The following KCTD15 variants were observed in gnomAD, a reference collection of about 807,000 sequenced individuals.
KCTD15 encodes the protein potassium channel tetramerization domain containing 15.
In KCTD15, 11 loss-of-function variants were observed where a neutral mutation model predicts 27.2. The ratio of observed to expected loss-of-function variants is 0.41; its 90% confidence interval spans 0.25 to 0.67. The LOEUF (loss-of-function observed/expected upper bound fraction) is 0.67, where lower values mean the gene tolerates loss of function less well. Among genes scored for constraint, KCTD15 ranks in the 30% least tolerant of loss-of-function variants. The probability of loss-of-function intolerance (pLI) is 0.35; values close to 1 mark genes in which losing one functional copy is unlikely to be tolerated. For missense variants in KCTD15, 350 were observed against 409.3 expected (o/e 0.86, Z 1.25); for synonymous variants, 163 against 176.0 (o/e 0.93, Z 0.58).
chr19:33,804,563 A>G (rs114588279), intron 4 of KCTD15, among the ~76,000 whole-genome samples: 2,230 of 152,262 alleles, frequency 0.015, 46 homozygotes, highest in African/African-American at 0.051. Flanking sequence ...CTTACTTCCC[A>G]CCGGTGCCAC....
chr19:33,811,842 G>A (rs765194695), intron 6 of KCTD15: 1 of 1,604,422 alleles, frequency 6.2e-7, no homozygotes, highest in South Asian at 1.1e-5. Context: ...TGCTTCATTT[G>A]ACACCCAGAG....
At position 33,800,500 on chromosome 19, in the gene KCTD15, C is replaced by A; in HGVS notation, c.46C>A (p.His16Asn). ...GCCGAGCGGGTCCTCGCTTCACACA[C>A]ACGGCAGCACCGGCACCGCGGTGAG... The part of the protein sequence containing the change: ...ERPSGSSLHT[H>N]GSTGTAEGGN... Residue 16 changes from histidine to asparagine, a missense_variant, in exon 3 of 7, where the codon CAC becomes AAC. By Grantham distance (68) the His-to-Asn change is moderately conservative. Transcript: ENST00000683859. 6.2e-7 allele frequency: 1 copy of A among 1,602,524 alleles called. No individual in the cohort carries two copies. The highest frequency in any genetic ancestry group is 8.5e-7 in the Non-Finnish European group (1 of 1,175,918).
chr19:33,796,007 A>T (rs1195644082), upstream of KCTD15: 2 of 151,876 alleles, frequency 1.3e-5, no homozygotes, highest in Admixed American at 6.5e-5. Context: ...TCCAGCCCCG[A>T]CCGACTGGCA....
In KCTD15 at chr19:33,811,449, C is replaced by T. The variant is rs144406308; in HGVS notation, c.590C>T (p.Thr197Ile). 2.3e-4 allele frequency: 365 copies of T among 1,612,936 alleles called. No individual in the cohort carries two copies. The East Asian group carries it at 6.3e-3, about 28-fold the overall frequency. The change falls in exon 6 of 7, where the codon ACC becomes ATC. Residue 197 changes from threonine (T) to isoleucine (I), a missense_variant. Thr to Ile is a moderately conservative substitution (Grantham distance 89). Around this residue, in one of 3 missense-constraint regions of KCTD15, gnomAD observed 219 missense variants for 234.9 expected, o/e 0.93. Transcript: ENST00000683859. ...KALIEEVFPE[T>I]GDVMCNSVNA... ...CTCATCGAGGAGGTCTTCCCCGAGA[C>T]CGGAGACGTCATGTGCAACTCCGTC...
chr19:33,795,418 G>A (rs1334084449), upstream of KCTD15, among the ~76,000 whole-genome samples: 1 of 151,926 alleles, frequency 6.6e-6, no homozygotes, highest in Non-Finnish European at 1.5e-5. Flanking sequence ...CCTCACCCCA[G>A]CTCCAGGCCG....
At chr19:33,795,542 T>A (rs892205198), upstream of KCTD15, among the ~76,000 whole-genome samples, 1 of 151,598 alleles carries the variant, frequency 6.6e-6, no homozygotes, top group South Asian at 2.1e-4. Flanking sequence ...CGCCCCGCGG[T>A]CCCAGCCGGT....
In KCTD15 at chr19:33,814,449, C is replaced by A. The variant is rs544252869; in HGVS notation, c.*1501C>A. On this transcript the variant is annotated 3_prime_UTR_variant, in exon 7 of 7. Transcript: ENST00000683859. ...CATTTGGGTGCCTGTCCCCTCAGGG[C>A]AGCACAGATTCTGAATTCTGATTCA... is the stretch of plus-strand genomic sequence containing the variant. The A allele has an allele frequency of 6.6e-6, 1 of 152,328 alleles. No homozygotes were observed. The highest frequency in any genetic ancestry group is 6.5e-5 in the Admixed American group (1 of 15,298). 9.4% of individuals were successfully genotyped at this position (152,328 alleles called of 1,614,324 possible).
intron 4 of KCTD15, among the ~76,000 whole-genome samples, chr19:33,806,471 A>G (rs1391271585): frequency 6.7e-6 from 1 of 149,092 alleles, no homozygotes; most frequent in Non-Finnish European, 1.5e-5. Context: ...GTTCATGTGC[A>G]TTTTCTGGGT....
intron 5 of KCTD15, among the ~76,000 whole-genome samples, chr19:33,810,223 G>C (rs1248198743): frequency 6.6e-6 from 1 of 152,198 alleles, no homozygotes; most frequent in African/African-American, 2.4e-5. Flanking sequence ...GGGACAGTCT[G>C]TGCGAGGCTG....
At chr19:33,794,274 GAATA>G (rs1193443348), upstream of KCTD15, among the ~76,000 whole-genome samples, 1 of 152,110 alleles carries the variant, frequency 6.6e-6, no homozygotes, top group Non-Finnish European at 1.5e-5. Flanking sequence ...TTGGAGTTGT[GAATA>G]AATAAAAATC....
intron 5 of KCTD15, among the ~76,000 whole-genome samples, chr19:33,807,878 G>A (rs112642474): frequency 0.053 from 8,075 of 151,960 alleles, 309 homozygotes; most frequent in Non-Finnish European, 0.079. Flanking sequence ...AGGTGGAGGC[G>A]GAGGTTGCAG....
intron 5 of KCTD15, among the ~76,000 whole-genome samples, chr19:33,807,224 A>G (rs542080853): frequency 6.6e-5 from 10 of 152,388 alleles, no homozygotes; most frequent in Admixed American, 5.9e-4. Flanking sequence ...TGCAGAACGT[A>G]TCCCAGCTGA....
At chr19:33,801,530 C>T in intron 4 of KCTD15, 188 bp downstream of exon 4, 1 of 509,334 alleles carries the variant, frequency 2.0e-6, no homozygotes, top group Non-Finnish European at 3.4e-6. Context: ...AGCTGCTATG[C>T]ACAGAGGCTT....
chr19:33,811,192 C>CGG, intron 5 of KCTD15, 55 bp from the exon 6 acceptor site: 3 of 406,316 alleles, frequency 7.4e-6, no homozygotes, highest in Non-Finnish European at 1.3e-5. Flanking sequence ...TCTCCCCCTT[C>CGG]CCCCACCACC....
At chr19:33,794,566 A>G (rs1349004264), upstream of KCTD15, among the ~76,000 whole-genome samples, 1 of 152,204 alleles carries the variant, frequency 6.6e-6, no homozygotes, top group Non-Finnish European at 1.5e-5. Context: ...GCGGATTTTC[A>G]GTGAGTCCCT....
chr19:33,812,645 G>A (rs1286943423), intron 6 of KCTD15, 145 bp from the exon 7 acceptor site: 2 of 1,355,700 alleles, frequency 1.5e-6, no homozygotes, highest in African/African-American at 3.0e-5. Flanking sequence ...GTTCTGTAGG[G>A]ACCTTTGTCA....
At chr19:33,811,184 T>G in intron 5 of KCTD15, 63 bp from the exon 6 acceptor site, 53 of 348,194 alleles carry the variant, frequency 1.5e-4, no homozygotes, top group Non-Finnish European at 2.3e-4. Context: ...GCCTCCCCTC[T>G]CCCCCTTCCC....
chr19:33,800,556 G>A (rs892215520), intron 3 of KCTD15, 36 bp downstream of exon 3: 1 of 1,549,680 alleles, frequency 6.5e-7, no homozygotes, highest in African/African-American at 1.4e-5. Flanking sequence ...CCTGCCGGGA[G>A]TTCCCTCTTT....
At chr19:33,811,649 C>CGGT in intron 6 of KCTD15, 97 bp downstream of exon 6, 1 of 1,510,884 alleles carries the variant, frequency 6.6e-7, no homozygotes, top group South Asian at 1.3e-5. Flanking sequence ...ATCCCTGAAA[C>CGGT]GGTGAAGCCC....
Sources: gnomAD v4.1 joint callset for allele counts (sites outside exome capture counted in the v4.1 genomes callset) on GRCh38, gnomAD v4.1.1 for gene constraint, gnomAD v4.1.1 regional missense constraint, MANE v1.5 for transcripts, NCBI Gene and HGNC (gene_info 2026-07-23, HGNC 2026-07-21) for gene names.